The following SLC26A5 variants were observed in gnomAD, a reference collection of about 807,000 sequenced individuals.
SLC26A5 encodes prestin.
A neutral mutation model predicts 81.0 loss-of-function variants in SLC26A5; 51 were observed. The observed-to-expected ratio is 0.63, with a 90% CI of 0.50 to 0.80. The LOEUF (loss-of-function observed/expected upper bound fraction) is 0.80, where lower values mean the gene tolerates loss of function less well. Ranked by LOEUF, SLC26A5 falls within the 30% of genes least tolerant of loss-of-function variation. The probability of loss-of-function intolerance (pLI) is 0.00; values close to 1 mark genes in which losing one functional copy is unlikely to be tolerated. For missense variants in SLC26A5, 771 were observed against 905.8 expected, an observed-to-expected ratio of 0.85 and a Z score of 1.91; for synonymous variants, 325 against 332.8, an observed-to-expected ratio of 0.98 and a Z score of 0.25.
chr7:103,394,353 A>G (rs1392025533), intron 9 of SLC26A5, among the ~76,000 whole-genome samples: 1 of 152,220 alleles, frequency 6.6e-6, no homozygotes, highest in Non-Finnish European at 1.5e-5. Flanking sequence ...TGATTTTCCT[A>G]AACTGTAGCA....
In SLC26A5 at chr7:103,410,452, G is replaced by T; in HGVS notation, c.668C>A (p.Thr223Asn). ...TCCAAACAGATATTTTAACATGGAG[G>T]TGAAGACATGCACAGCTGCTGCGGT... ...FTTAAAVHVF[T>N]SMLKYLFGVK... The change falls in exon 7 of 20, where the codon ACC (threonine) becomes AAC (asparagine). Residue 223 changes from threonine to asparagine, a missense_variant. Transcript: ENST00000306312. The T allele has an allele frequency of 1.9e-6, 3 of 1,613,984 alleles. No homozygotes were observed. The highest frequency in any genetic ancestry group is 2.5e-6 in the Non-Finnish European group (3 of 1,179,900).
intron 19 of SLC26A5, chr7:103,368,034 C>T (rs1820808858): frequency 1.2e-6 from 2 of 1,613,216 alleles, no homozygotes; most frequent in South Asian, 1.1e-5. Flanking sequence ...TGCTACTCCT[C>T]GTTACATGAC....
At position 103,364,110 on chromosome 7, in the gene SLC26A5, G is replaced by T. The variant is rs199732205; in HGVS notation, c.2042-11184C>A. ...GTAGTCTGATTTTTGTTATACAGAA[G>T]TGGTAAGTGTGAAAATTGTGTCTCT... On this transcript the variant is annotated intron_variant, in intron 19 of 19. Transcript: ENST00000339444. 155 of 1,602,278 alleles carry T rather than the reference G, an allele frequency of 9.7e-5. 4 individuals carry two copies. The South Asian group carries it at 1.6e-3, about 16-fold the overall frequency.
chr7:103,393,543 G>A (rs1822843817), intron 9 of SLC26A5, among the ~76,000 whole-genome samples: 2 of 146,774 alleles, frequency 1.4e-5, no homozygotes, highest in South Asian at 4.4e-4. Context: ...TCTGATGTAA[G>A]GACTCTGAGT....
intron 8 of SLC26A5, among the ~76,000 whole-genome samples, chr7:103,401,616 A>G (rs562499116): frequency 6.6e-6 from 1 of 152,262 alleles, no homozygotes; most frequent in East Asian, 1.9e-4. Context: ...GAGTGGTGAG[A>G]GAGGGCATCC....
At chr7:103,439,597 G>C (rs189602908) in intron 2 of SLC26A5, among the ~76,000 whole-genome samples, 44 of 152,198 alleles carry the variant, frequency 2.9e-4, no homozygotes, top group African/African-American at 1.1e-3. Flanking sequence ...GCAGTGGTGC[G>C]ATCACAGCTC....
intron 8 of SLC26A5, among the ~76,000 whole-genome samples, chr7:103,403,793 G>T (rs1303141455): frequency 1.3e-5 from 2 of 150,562 alleles, no homozygotes; most frequent in African/African-American, 4.9e-5. Flanking sequence ...TGAGTCTCCC[G>T]AATACAGCAC....
At chr7:103,385,707 T>C (rs1054935869) in intron 14 of SLC26A5, among the ~76,000 whole-genome samples, 47 of 149,680 alleles carry the variant, frequency 3.1e-4, no homozygotes, top group Admixed American at 3.3e-4. Context: ...CTTTTCTTTT[T>C]TTTTTTTTTT....
chr7:103,356,133 C>T (rs938456318), intron 19 of SLC26A5, among the ~76,000 whole-genome samples: 2 of 152,060 alleles, frequency 1.3e-5, no homozygotes, highest in Non-Finnish European at 1.5e-5. Flanking sequence ...CCTGTATTTG[C>T]ATGCAAAGAA....
chr7:103,399,471 T>A (rs947424510), intron 8 of SLC26A5, among the ~76,000 whole-genome samples: 1 of 152,352 alleles, frequency 6.6e-6, no homozygotes, highest in Non-Finnish European at 1.5e-5. Flanking sequence ...AAAGAAAAGG[T>A]TTGAAGGTAT....
rs1387252563 is a variant in SLC26A5 at position 103,367,295 on chromosome 7, G to A, written c.2041+9513C>T. ...GTTCTTACAGGATTTGCTTCAAAGT[G>A]GGATGTCACTTGTGCCTGAGGACAT... On this transcript the variant is annotated intron_variant, in intron 19 of 19. Transcript: ENST00000339444. This position sits in a 1 kb window ranked among gnomAD's most constrained non-coding sequence, Gnocchi z 6.1. The A allele has an allele frequency of 1.2e-5, 10 of 812,832 alleles. No homozygotes were observed. Among genetic ancestry groups the A allele is most frequent in the Non-Finnish European group, 1.8e-5 (9 of 498,546 alleles). The allele number at this position is 812,832 out of a possible 1,614,324, so 50.4% of individuals were successfully genotyped here. A position where few individuals can be genotyped will look rare whatever the true frequency, so the allele number is the denominator to read the frequency against.
intron 16 of SLC26A5, 99 bp downstream of exon 16, chr7:103,379,144 G>A (rs1474888394): frequency 2.2e-5 from 18 of 826,134 alleles, no homozygotes; most frequent in East Asian, 4.9e-5. Flanking sequence ...GAAACAAAGC[G>A]AGAATGAAAT....
intron 14 of SLC26A5, among the ~76,000 whole-genome samples, chr7:103,382,735 G>A (rs1012413380): frequency 6.6e-6 from 1 of 152,036 alleles, no homozygotes; most frequent in Non-Finnish European, 1.5e-5. Context: ...TTGAACACCT[G>A]TTATTATATC....
intron 2 of SLC26A5, among the ~76,000 whole-genome samples, chr7:103,432,498 G>C (rs1826153650): frequency 6.6e-6 from 1 of 151,964 alleles, no homozygotes; most frequent in Non-Finnish European, 1.5e-5. Context: ...CATTAAGTAG[G>C]ACATTAATTT....
rs746050735 is a variant in SLC26A5, at chr7:103,411,432, T to A, written c.558A>T (p.Ser186=). The A allele has an allele frequency of 6.2e-7, 1 of 1,614,196 alleles. No individual in the cohort carries two copies. The highest frequency in any genetic ancestry group is 1.7e-5 in the Admixed American group (1 of 60,026). Residue 186 remains serine (S), a synonymous_variant, in exon 6 of 20, where the codon TCA becomes TCT. Coordinates refer to ENST00000306312, the MANE Select transcript of SLC26A5 (RefSeq NM_198999.3). Reference sequence around the variant, plus strand: ...CTTTGAGCCTTACCTGAATGATTCCTGAAAGTAAGGTCACAGACATGGCGA... The same window carrying A: ...CTTTGAGCCTTACCTGAATGATTCCAGAAAGTAAGGTCACAGACATGGCGA... The part of the protein sequence containing the change: ...VKVAMSVTLL[S]GIIQFCLGVC...
At chr7:103,356,857 A>C (rs1820063775) in intron 19 of SLC26A5, among the ~76,000 whole-genome samples, 1 of 152,180 alleles carries the variant, frequency 6.6e-6, no homozygotes, top group African/African-American at 2.4e-5. Flanking sequence ...CAAGGCTATA[A>C]ACATATTCTC....
At chr7:103,403,689 C>T (rs1048115490) in intron 8 of SLC26A5, among the ~76,000 whole-genome samples, 54 of 149,764 alleles carry the variant, frequency 3.6e-4, no homozygotes, top group Non-Finnish European at 6.5e-4. Flanking sequence ...GAACTGCAAT[C>T]CCCTGCTTTT....
At chr7:103,353,052 A>C (rs1819814427) in intron 19 of SLC26A5, 1 of 761,616 alleles carries the variant, frequency 1.3e-6, no homozygotes, top group Admixed American at 1.7e-5. Context: ...AAATTTGAGC[A>C]GCTAAGCAAA....
intron 19 of SLC26A5, chr7:103,368,243 C>T (rs556834255): frequency 4.1e-5 from 25 of 614,798 alleles, no homozygotes; most frequent in African/African-American, 3.4e-4. Context: ...TATATTTTGA[C>T]TATTTTTTTG....
Sources: gnomAD v4.1 joint callset for allele counts (sites outside exome capture counted in the v4.1 genomes callset) on GRCh38, gnomAD v4.1.1 for gene constraint, Gnocchi (gnomAD v3.1) non-coding constraint, MANE v1.5 for transcripts, NCBI Gene and HGNC (gene_info 2026-07-23, HGNC 2026-07-21) for gene names.